KCTD15: variants seen among roughly 807,000 people sequenced by gnomAD.
KCTD15 encodes potassium channel tetramerization domain containing 15, also known as BTB/POZ domain-containing protein KCTD15.
In KCTD15, 11 loss-of-function variants were observed where a neutral mutation model predicts 27.2. The observed-to-expected ratio is 0.41, with a 90% CI of 0.25 to 0.67. The LOEUF (loss-of-function observed/expected upper bound fraction) is 0.67, where lower values mean the gene tolerates loss of function less well. KCTD15 is among the 30% of genes least tolerant of loss of function. The pLI, the probability that KCTD15 is intolerant of heterozygous loss-of-function variation, is 0.35. For missense variants in KCTD15, 350 were observed against 409.3 expected, an observed-to-expected ratio of 0.86 and a Z score of 1.25; for synonymous variants, 163 against 176.0, an observed-to-expected ratio of 0.93 and a Z score of 0.58.
chr19:33,804,003 G>A (rs771373738), intron 4 of KCTD15, among the ~76,000 whole-genome samples: 3 of 151,910 alleles, frequency 2.0e-5, no homozygotes, highest in Non-Finnish European at 4.4e-5. Flanking sequence ...TTCGGAAGCC[G>A]GCCCCTCAAA....
intron 6 of KCTD15, chr19:33,811,967 C>G: frequency 6.7e-7 from 1 of 1,498,624 alleles, no homozygotes; most frequent in Non-Finnish European, 8.9e-7. Flanking sequence ...TCGCAGGCAC[C>G]CACCAGCTGC....
At chr19:33,806,693 G>T (rs1975721906) in intron 4 of KCTD15, among the ~76,000 whole-genome samples, 170 bp from the exon 5 acceptor site, 1 of 152,126 alleles carries the variant, frequency 6.6e-6, no homozygotes, top group Admixed American at 6.5e-5. Context: ...TAGCCTGGCT[G>T]CCCCAGGTGT....
intron 6 of KCTD15, 86 bp downstream of exon 6, chr19:33,811,638 G>T: frequency 6.5e-7 from 1 of 1,526,854 alleles, no homozygotes; most frequent in South Asian, 1.3e-5. Flanking sequence ...AGGGAGGCGC[G>T]ATCCCTGAAA....
chr19:33,811,181 C>CCAACCCCCAA, intron 5 of KCTD15, 66 bp from the exon 6 acceptor site: 5 of 900,676 alleles, frequency 5.6e-6, no homozygotes, highest in Non-Finnish European at 7.9e-6. Flanking sequence ...GCCGCCTCCC[C>CCAACCCCCAA]TCTCCCCCTT....
intron 5 of KCTD15, among the ~76,000 whole-genome samples, chr19:33,808,606 G>A (rs1018842520): frequency 1.3e-5 from 2 of 152,070 alleles, no homozygotes; most frequent in Non-Finnish European, 2.9e-5. Context: ...GTGGCCCAGT[G>A]CCTGGCATTT....
chr19:33,811,573 C>T (rs1335409472), intron 6 of KCTD15, 21 bp downstream of exon 6: 2 of 1,572,826 alleles, frequency 1.3e-6, no homozygotes, highest in South Asian at 1.2e-5. Flanking sequence ...CACGCTGCCC[C>T]CTCCCCGCCG....
intron 4 of KCTD15, among the ~76,000 whole-genome samples, chr19:33,806,242 C>T (rs546012388): frequency 3.3e-5 from 5 of 152,298 alleles, no homozygotes; most frequent in Admixed American, 6.5e-5. Context: ...GGATTTGTGC[C>T]GTCATGTCTC....
chr19:33,804,417 C>G (rs1019816036), intron 4 of KCTD15, among the ~76,000 whole-genome samples: 5 of 152,184 alleles, frequency 3.3e-5, no homozygotes, highest in Non-Finnish European at 7.3e-5. Context: ...CCAGACCTGA[C>G]GTCAGAAGGG....
chr19:33,794,093 AC>A (rs1226287709), upstream of KCTD15, among the ~76,000 whole-genome samples: 1 of 152,212 alleles, frequency 6.6e-6, no homozygotes, highest in Non-Finnish European at 1.5e-5. Flanking sequence ...TTAAAAAAAC[AC>A]GTAGGAATTT....
intron 6 of KCTD15, 107 bp downstream of exon 6, chr19:33,811,659 C>A: frequency 6.6e-7 from 1 of 1,510,446 alleles, no homozygotes. Context: ...CGGTGAAGCC[C>A]CCCGTGCCAT....
chr19:33,811,594 G>A, intron 6 of KCTD15, 42 bp downstream of exon 6: 1 of 1,570,968 alleles, frequency 6.4e-7, no homozygotes, highest in East Asian at 2.3e-5. Context: ...CACCCCCGGC[G>A]TCCGCGGAGC....
chr19:33,803,507 C>T (rs1279669619), intron 4 of KCTD15, among the ~76,000 whole-genome samples: 1 of 152,040 alleles, frequency 6.6e-6, no homozygotes, highest in East Asian at 1.9e-4. Context: ...GGACCTCTAC[C>T]CTCGGCTCCC....
chr19:33,812,498 C>CT, intron 6 of KCTD15: 1 of 1,215,206 alleles, frequency 8.2e-7, no homozygotes, highest in Non-Finnish European at 1.0e-6. Flanking sequence ...CCCAAAGCCT[C>CT]TTTTTGCCTC....
At chr19:33,811,606 C>T in intron 6 of KCTD15, 54 bp downstream of exon 6, 1 of 1,565,438 alleles carries the variant, frequency 6.4e-7, no homozygotes, top group East Asian at 2.3e-5. Context: ...CCGCGGAGCC[C>T]TCCAGGGGCA....
intron 4 of KCTD15, among the ~76,000 whole-genome samples, chr19:33,806,653 G>C (rs1054898500): frequency 6.6e-6 from 1 of 152,116 alleles, no homozygotes; most frequent in African/African-American, 2.4e-5. Context: ...TGCGGGTGTA[G>C]GCAGGATGTG....
At chr19:33,811,846 C>T (rs926168881) in intron 6 of KCTD15, 6 of 1,605,710 alleles carry the variant, frequency 3.7e-6, no homozygotes, top group East Asian at 4.5e-5. Flanking sequence ...TCATTTGACA[C>T]CCAGAGTCTG....
At chr19:33,809,006 G>C (rs981185481) in intron 5 of KCTD15, among the ~76,000 whole-genome samples, 1 of 152,022 alleles carries the variant, frequency 6.6e-6, no homozygotes. Context: ...GCCGGGTGCG[G>C]TGGCTCACAC....
rs1238306874 is a variant in KCTD15 at position 33,811,102 on chromosome 19, G to A, written c.388-145G>A. 4 of 695,382 alleles carry A rather than the reference G, an allele frequency of 5.8e-6. No individual in the cohort carries two copies. In the Admixed American group the frequency reaches 8.9e-5, roughly 15 times the overall value. 43.1% of individuals were successfully genotyped at this position (695,382 alleles called of 1,614,324 possible). On this transcript the variant is annotated intron_variant, in intron 5 of 6. Transcript: ENST00000683859. ...CTCAGTTGCCCCATCTGTACAATGG[G>A]TGCAACCGGCCCAGTCCACACAATA...
chr19:33,795,376 T>A (rs1180525060), upstream of KCTD15, among the ~76,000 whole-genome samples: 3 of 151,850 alleles, frequency 2.0e-5, no homozygotes. Context: ...CCCCCCCCAC[T>A]TCACCTTCCT....
Sources: allele counts gnomAD v4.1 joint callset (sites outside exome capture counted in the v4.1 genomes callset), GRCh38; gene constraint gnomAD v4.1.1; transcripts MANE v1.5; gene names NCBI Gene and HGNC (gene_info 2026-07-23, HGNC 2026-07-21).